Variants in LRRC1 observed in about 807,000 individuals in gnomAD.
LRRC1 encodes the protein leucine rich repeat containing 1.
LRRC1 carries 28 observed loss-of-function variants against 69.9 expected under a neutral mutation model. The observed-to-expected ratio is 0.40, with a 90% CI of 0.30 to 0.55. The LOEUF (loss-of-function observed/expected upper bound fraction) is 0.55, where lower values mean the gene tolerates loss of function less well. LRRC1 is among the 20% of genes least tolerant of loss of function. The pLI, the probability that LRRC1 is intolerant of heterozygous loss-of-function variation, is 0.47. For synonymous variants in LRRC1, 236 were observed against 240.2 expected, an observed-to-expected ratio of 0.98 and a Z score of 0.16; for missense variants, 498 against 609.0, an observed-to-expected ratio of 0.82 and a Z score of 1.92.
chr6:53,799,255 C>T lies in LRRC1; in HGVS notation c.159+3840C>T, dbSNP rs1370309546. 2.0e-5 allele frequency among the ~76,000 whole-genome samples: 3 copies of T among 152,162 alleles called. No individual in the cohort carries two copies. The South Asian group carries it at 6.2e-4, about 32-fold the overall frequency. ...CATATTCTGCTTTATTTTTTCCTGT[C>T]CTTTAGAGCATATATCATTACCTAA... On this transcript the variant is annotated intron_variant, in intron 1 of 13. Transcript: ENST00000370888.
At position 53,877,863 on chromosome 6, in the gene LRRC1, G is replaced by A. The variant is rs114373017; in HGVS notation, c.278-1130G>A. On this transcript the variant is annotated intron_variant, in intron 2 of 13. Transcript: ENST00000370888. ...CTGCTCCAGCCTCCGCCTGTGAACC[G>A]GTTCCAAAGTTGCTTCCACATTTTT... 3.8e-3 allele frequency among the ~76,000 whole-genome samples: 580 copies of A among 152,264 alleles called. 5 individuals carry two copies. Among genetic ancestry groups the A allele is most frequent in the African/African-American group, 0.013 (521 of 41,562 alleles).
At chr6:53,917,604 G>A (rs543077751) in intron 11 of LRRC1, among the ~76,000 whole-genome samples, 6 of 152,232 alleles carry the variant, frequency 3.9e-5, no homozygotes, top group African/African-American at 9.6e-5. Context: ...CAGTGACCAC[G>A]TTTGAGTATC....
chr6:53,853,515 C>T (rs540517452), intron 2 of LRRC1, among the ~76,000 whole-genome samples: 147 of 152,216 alleles, frequency 9.7e-4, no homozygotes, highest in Non-Finnish European at 1.9e-3. Context: ...CAACTCCTGA[C>T]CTCAGGTTAT....
intron 10 of LRRC1, among the ~76,000 whole-genome samples, chr6:53,908,022 C>A (rs1768294857): frequency 6.6e-6 from 1 of 152,000 alleles, no homozygotes; most frequent in African/African-American, 2.4e-5. Context: ...TATTTTTCAT[C>A]CTGTTGCTTA....
rs199811147 is a variant in LRRC1, at chr6:53,795,302, A to G, written c.46A>G (p.Ser16Gly). The G allele has an allele frequency of 6.2e-7, 1 of 1,613,098 alleles. No homozygotes were observed. The highest frequency in any genetic ancestry group is 2.2e-5 in the East Asian group (1 of 44,838). Reference sequence around the variant, plus strand: ...GTGGCGGTGCAACCGTCATGTGGAGAGCATCGACAAGCGCCACTGCTCGCT... The same window carrying G: ...GTGGCGGTGCAACCGTCATGTGGAGGGCATCGACAAGCGCCACTGCTCGCT... ...PLWRCNRHVE[S>G]IDKRHCSLVY... The change falls in exon 1 of 14, where the codon AGC becomes GGC. Residue 16 changes from serine (S) to glycine (G), a missense_variant. By Grantham distance (56) the Ser-to-Gly change is moderately conservative. Around this residue, in one of 3 missense-constraint regions of LRRC1, gnomAD observed 70 missense variants for 62.1 expected, o/e 1.13. Coordinates refer to ENST00000370888, the MANE Select transcript of LRRC1 (RefSeq NM_018214.5).
chr6:53,795,430 T>G lies in LRRC1; in HGVS notation c.159+15T>G. ...AGCTGCCCGAGGTAAGGGTCCGGCC[T>G]CACCTGAGCGCTCTGCCCGCTCGTC... is the stretch of plus-strand genomic sequence containing the variant. On this transcript the variant is annotated intron_variant, in intron 1 of 13. Transcript: ENST00000370888. 6.2e-7 allele frequency: 1 copy of G among 1,604,458 alleles called. No homozygotes were observed. The highest frequency in any genetic ancestry group is 8.5e-7 in the Non-Finnish European group (1 of 1,177,504).
Position 53,913,883 on chromosome 6 carries a change from C to T in LRRC1, c.1020C>T (p.Phe340=). The change falls in exon 11 of 14, where the codon TTC becomes TTT. Residue 340 remains phenylalanine (F), a synonymous_variant. Coordinates refer to ENST00000370888, the MANE Select transcript of LRRC1 (RefSeq NM_018214.5). ...EIGGCCSLTV[F]CVRDNRLTRI... ...GCGGGTGCTGCAGCCTCACTGTGTT[C>T]TGTGTACGTGACAACAGACTAACTC... 2 of 1,610,832 alleles carry T rather than the reference C, an allele frequency of 1.2e-6. No homozygotes were observed. The highest frequency in any genetic ancestry group is 1.7e-6 in the Non-Finnish European group (2 of 1,177,698).
In LRRC1 at chr6:53,900,044, T is replaced by G. The variant is rs1312978847; in HGVS notation, c.787+153T>G. On this transcript the variant is annotated intron_variant, in intron 8 of 13. Transcript: ENST00000370888. Reference sequence around the variant, plus strand: ...TGTTTTTTTTTTTTTTTTTTTTTTTTTTTTTTTTTCTGAGATGGAGTCTCG... The same window carrying G: ...TGTTTTTTTTTTTTTTTTTTTTTTTGTTTTTTTTTCTGAGATGGAGTCTCG... Among the ~76,000 whole-genome samples the G allele has an allele frequency of 4.2e-4, 44 of 105,642 alleles. 1 individual carries two copies. Among genetic ancestry groups the G allele is most frequent in the Admixed American group, 8.7e-4 (8 of 9,190 alleles). The allele number at this position is 105,642 out of a possible 152,430, so 69.3% of individuals were successfully genotyped here. A position where few individuals can be genotyped will look rare whatever the true frequency, so the allele number is the denominator to read the frequency against.
intron 4 of LRRC1, among the ~76,000 whole-genome samples, chr6:53,885,417 G>A (rs1406834927): frequency 3.3e-5 from 5 of 152,150 alleles, no homozygotes; most frequent in African/African-American, 1.2e-4. Context: ...TCTTGGAGAT[G>A]GAATTGTTTT....
intron 2 of LRRC1, among the ~76,000 whole-genome samples, chr6:53,855,027 T>G (rs997643942): frequency 2.0e-5 from 3 of 152,200 alleles, no homozygotes; most frequent in African/African-American, 7.2e-5. Flanking sequence ...TTGTGATAAG[T>G]TAAAAGTCAG....
Position 53,853,565 on chromosome 6 carries a change from G to A in LRRC1, c.277+11338G>A, listed in dbSNP as rs6913279. 4.9e-3 allele frequency among the ~76,000 whole-genome samples: 753 copies of A among 152,272 alleles called. 5 individuals are homozygous for A. Among genetic ancestry groups the A allele is most frequent in the African/African-American group, 0.017 (707 of 41,546 alleles). On this transcript the variant is annotated intron_variant, in intron 2 of 13. Transcript: ENST00000370888. ...CTCCCAAAGTGCTGGGATTACAGGT[G>A]TGAGCCACTGCACCCAGCGTGTAAA...
At chr6:53,843,266 T>G (rs778665222) in intron 2 of LRRC1, among the ~76,000 whole-genome samples, 2 of 152,256 alleles carry the variant, frequency 1.3e-5, no homozygotes, top group Non-Finnish European at 2.9e-5. Context: ...TCTTCTGAAT[T>G]GATTATCTTT....
rs147027705 is a variant in LRRC1, at chr6:53,901,042, C to T, written c.787+1151C>T. Among the ~76,000 whole-genome samples the T allele has an allele frequency of 6.8e-5, 7 of 102,380 alleles. No homozygotes were observed. In the East Asian group the frequency reaches 1.4e-3, roughly 20 times the overall value. 67.2% of individuals were successfully genotyped at this position (102,380 alleles called of 152,430 possible). On this transcript the variant is annotated intron_variant, in intron 8 of 13. Coordinates refer to ENST00000370888, the MANE Select transcript of LRRC1 (RefSeq NM_018214.5). ...TTTTGGTTAAACCCAGCTGGAAAAT[C>T]GGTAGGGGTTTTGGCTCTATGCGAG...
chr6:53,896,989 T>C, intron 6 of LRRC1, 97 bp downstream of exon 6: 7 of 792,520 alleles, frequency 8.8e-6, no homozygotes, highest in Non-Finnish European at 1.5e-5. Context: ...AAGCCAGTAT[T>C]TCCACAGATG....
chr6:53,840,884 T>TTGTGTGTGTGTG (rs57491487), intron 1 of LRRC1, among the ~76,000 whole-genome samples: 42 of 125,298 alleles, frequency 3.4e-4, no homozygotes, highest in African/African-American at 1.1e-3. Context: ...GGGTATGTGT[T>TTGTGTGTGTGTG]TGTGTGTGTG....
rs201442985 is a variant in LRRC1, at chr6:53,842,236, G to A, written c.277+9G>A. 5.3e-4 allele frequency: 849 copies of A among 1,595,028 alleles called. No homozygotes were observed. The highest frequency in any genetic ancestry group is 7.0e-4 in the Non-Finnish European group (816 of 1,163,496). On this transcript the variant is annotated intron_variant, in intron 2 of 13. Coordinates refer to ENST00000370888, the MANE Select transcript of LRRC1 (RefSeq NM_018214.5). ...AGATGTGTCTCGAAATGGTAAGAAAGATTCCACTTGGGTTGCCTATTTGTC... is the reference window on the plus strand; with the variant it reads ...AGATGTGTCTCGAAATGGTAAGAAAAATTCCACTTGGGTTGCCTATTTGTC...
intron 1 of LRRC1, among the ~76,000 whole-genome samples, chr6:53,814,770 C>T (rs1381970769): frequency 1.3e-5 from 2 of 152,156 alleles, no homozygotes; most frequent in Non-Finnish European, 2.9e-5. Flanking sequence ...TTTCTATTGG[C>T]CTTTGAAATA....
In LRRC1 at chr6:53,795,192, C is replaced by T. The variant is rs1764250830; in HGVS notation, c.-65C>T. 2 of 1,455,580 alleles carry T rather than the reference C, an allele frequency of 1.4e-6. No individual in the cohort carries two copies. Among genetic ancestry groups the T allele is most frequent in the Non-Finnish European group, 9.2e-7 (1 of 1,092,146 alleles). 90.2% of individuals were successfully genotyped at this position (1,455,580 alleles called of 1,614,324 possible). A position where few individuals can be genotyped will look rare whatever the true frequency, so the allele number is the denominator to read the frequency against. On this transcript the variant is annotated 5_prime_UTR_variant, in exon 1 of 14. Coordinates refer to ENST00000370888, the MANE Select transcript of LRRC1 (RefSeq NM_018214.5). ...CAGCGGACTGAGCGGAGCCGCCGGC[C>T]AGAGCGGGCTCGGAGCCCGGGTCTC... is the stretch of plus-strand genomic sequence containing the variant.
chr6:53,797,823 CTT>C (rs1335781054), intron 1 of LRRC1, among the ~76,000 whole-genome samples: 3 of 152,190 alleles, frequency 2.0e-5, no homozygotes, highest in African/African-American at 7.2e-5. Context: ...ATTGAGGTGA[CTT>C]TCTCAGGGCT....
Sources: allele counts gnomAD v4.1 joint callset (sites outside exome capture counted in the v4.1 genomes callset), GRCh38; gene constraint gnomAD v4.1.1; regional missense constraint gnomAD v4.1.1; transcripts MANE v1.5; gene names NCBI Gene and HGNC (gene_info 2026-07-23, HGNC 2026-07-21).